NFIC: variants seen among roughly 807,000 people sequenced by gnomAD.
NFIC encodes the protein nuclear factor 1 C-type.
In NFIC, 12 loss-of-function variants were observed where a neutral mutation model predicts 54.4. That is an observed-to-expected ratio of 0.22 (90% confidence interval 0.14 to 0.36). NFIC has a LOEUF of 0.36. Ranked by LOEUF, NFIC falls within the 10% of genes least tolerant of loss-of-function variation. The pLI, the probability that NFIC is intolerant of heterozygous loss-of-function variation, is 1.00. For synonymous variants in NFIC, 322 were observed against 319.2 expected, an observed-to-expected ratio of 1.01 and a Z score of -0.09; for missense variants, 575 against 718.2, an observed-to-expected ratio of 0.80 and a Z score of 2.28.
At chr19:3,399,146 A>G (rs1291977938) in intron 2 of NFIC, among the ~76,000 whole-genome samples, 1 of 152,110 alleles carries the variant, frequency 6.6e-6, no homozygotes, top group African/African-American at 2.4e-5. Flanking sequence ...GAGGTCCTGG[A>G]GGGTCCTGGC....
intron 1 of NFIC, among the ~76,000 whole-genome samples, chr19:3,374,423 C>T (rs1388035830): frequency 1.3e-5 from 2 of 152,306 alleles, no homozygotes; most frequent in East Asian, 3.9e-4. Flanking sequence ...TGCAATATTC[C>T]TTTCTGCCCA....
At chr19:3,433,621 G>C (rs1434076671) in intron 4 of NFIC, 29 bp downstream of exon 4, 1 of 1,610,054 alleles carries the variant, frequency 6.2e-7, no homozygotes, top group Non-Finnish European at 8.5e-7. Flanking sequence ...CCTGAGCTGG[G>C]TCTTGGAGAG....
At chr19:3,461,584 G>A (rs2082639550) in intron 10 of NFIC, among the ~76,000 whole-genome samples, 1 of 151,962 alleles carries the variant, frequency 6.6e-6, no homozygotes, top group East Asian at 1.9e-4. Flanking sequence ...TTAGCTGGGT[G>A]TGGTGGGGCG....
intron 6 of NFIC, among the ~76,000 whole-genome samples, chr19:3,439,546 G>A (rs1177157412): frequency 1.3e-5 from 2 of 150,780 alleles, no homozygotes; most frequent in East Asian, 4.0e-4. Context: ...GGAGGCTGAG[G>A]CAGGAGAATC....
At chr19:3,400,987 T>C (rs868465287) in intron 2 of NFIC, among the ~76,000 whole-genome samples, 26 of 152,234 alleles carry the variant, frequency 1.7e-4, no homozygotes, top group African/African-American at 5.8e-4. Context: ...ACCTGACATT[T>C]GAGCTGAGAC....
chr19:3,399,265 T>G (rs2081515612), intron 2 of NFIC, among the ~76,000 whole-genome samples: 1 of 151,972 alleles, frequency 6.6e-6, no homozygotes, highest in Non-Finnish European at 1.5e-5. Context: ...TGAGGGAGAG[T>G]CAATAAGACA....
intron 6 of NFIC, among the ~76,000 whole-genome samples, chr19:3,439,172 A>C (rs1460507354): frequency 7.0e-6 from 1 of 143,490 alleles, no homozygotes; most frequent in Non-Finnish European, 1.5e-5. Context: ...TCTCTACTTA[A>C]AAAAAAAAAA....
At chr19:3,426,821 G>T (rs1438240011) in intron 3 of NFIC, among the ~76,000 whole-genome samples, 1 of 152,048 alleles carries the variant, frequency 6.6e-6, no homozygotes, top group South Asian at 2.1e-4. Flanking sequence ...CTAACTGCTC[G>T]CTTGTTCTCT....
At chr19:3,433,364 C>T (rs561843119) in intron 3 of NFIC, among the ~76,000 whole-genome samples, 154 bp from the exon 4 acceptor site, 8 of 152,338 alleles carry the variant, frequency 5.3e-5, no homozygotes, top group South Asian at 2.1e-4. Context: ...GGGCCTTCCC[C>T]ATCAGACTGG....
intron 2 of NFIC, among the ~76,000 whole-genome samples, chr19:3,387,016 C>T (rs1450037402): frequency 6.6e-6 from 1 of 152,208 alleles, no homozygotes; most frequent in Non-Finnish European, 1.5e-5. Context: ...GTGGAGCGTC[C>T]TGGCCCAGCC....
At chr19:3,425,596 A>G (rs2082014980) in intron 3 of NFIC, among the ~76,000 whole-genome samples, 1 of 152,026 alleles carries the variant, frequency 6.6e-6, no homozygotes, top group Non-Finnish European at 1.5e-5. Flanking sequence ...AGTAGCTGGG[A>G]TTACAGGTAC....
At chr19:3,406,242 G>A (rs1032254188) in intron 2 of NFIC, among the ~76,000 whole-genome samples, 1 of 152,060 alleles carries the variant, frequency 6.6e-6, no homozygotes, top group East Asian at 1.9e-4. Context: ...ACAGGCACCC[G>A]CCACGATGCC....
intron 2 of NFIC, among the ~76,000 whole-genome samples, chr19:3,387,806 G>A (rs1372873044): frequency 6.6e-6 from 1 of 152,248 alleles, no homozygotes; most frequent in African/African-American, 2.4e-5. Flanking sequence ...ACCAGCCGGG[G>A]GTGGGGCGGG....
intron 9 of NFIC, among the ~76,000 whole-genome samples, chr19:3,455,787 G>A (rs898547353): frequency 3.3e-5 from 5 of 152,270 alleles, no homozygotes; most frequent in Non-Finnish European, 2.9e-5. Flanking sequence ...GGCTCAACGG[G>A]ATTATGCCCA....
intron 2 of NFIC, among the ~76,000 whole-genome samples, chr19:3,404,598 C>A (rs976711273): frequency 6.6e-5 from 10 of 152,114 alleles, no homozygotes; most frequent in Non-Finnish European, 1.2e-4. Context: ...TCCCCCCACC[C>A]CCACCCCACC....
intron 2 of NFIC, among the ~76,000 whole-genome samples, chr19:3,384,487 C>T (rs532509031): frequency 6.6e-6 from 1 of 152,132 alleles, no homozygotes; most frequent in East Asian, 1.9e-4. Context: ...CTCCCAGGTT[C>T]AAGCGATTCT....
rs1488284313 is a variant in NFIC, at chr19:3,463,441, C to T, written c.*672C>T. 1.0e-6 allele frequency: 1 copy of T among 985,370 alleles called. No individual in the cohort carries two copies. Among genetic ancestry groups the T allele is most frequent in the African/African-American group, 1.7e-5 (1 of 57,190 alleles). The allele number at this position is 985,370 out of a possible 1,614,324, so 61.0% of individuals were successfully genotyped here. A position where few individuals can be genotyped will look rare whatever the true frequency, so the allele number is the denominator to read the frequency against. On this transcript the variant is annotated 3_prime_UTR_variant, in exon 11 of 11. Transcript: ENST00000443272. ...CGGGGGTGCGTGGCGCTTGCGAGCC[C>T]TGGCCAGGGGAGGAAGTGAGGCCCA...
At chr19:3,450,185 A>C (rs909202302) in intron 7 of NFIC, among the ~76,000 whole-genome samples, 1 of 151,312 alleles carries the variant, frequency 6.6e-6, no homozygotes, top group Non-Finnish European at 1.5e-5. Flanking sequence ...CTCTACTAAA[A>C]ATACAAAAAA....
chr19:3,366,578 G>T, upstream of NFIC: 5 of 1,076,760 alleles, frequency 4.6e-6, no homozygotes, highest in African/African-American at 1.7e-5. Context: ...TTGGAAAAAT[G>T]ACTCAGTAAG....
Sources: allele counts gnomAD v4.1 joint callset (sites outside exome capture counted in the v4.1 genomes callset), GRCh38; gene constraint gnomAD v4.1.1; transcripts MANE v1.5; gene names NCBI Gene and HGNC (gene_info 2026-07-23, HGNC 2026-07-21).